The following ITGB6 variants were observed in gnomAD, a reference collection of about 807,000 sequenced individuals.
The protein encoded by ITGB6 is integrin subunit beta 6, also known as integrin beta-6.
Under a neutral mutation model 84.5 loss-of-function variants are expected in ITGB6, and 80 were observed. That is an observed-to-expected ratio of 0.95 (90% CI 0.79 to 1.14). The LOEUF (loss-of-function observed/expected upper bound fraction) is 1.14. Ranked by LOEUF, ITGB6 falls within the 50% of genes most tolerant of loss-of-function variation. The pLI, the probability that ITGB6 is intolerant of heterozygous loss-of-function variation, is 0.00. For missense variants in ITGB6, 1,006 were observed against 968.0 expected (o/e 1.04, Z -0.52); for synonymous variants, 383 against 354.9 (o/e 1.08, Z -0.89).
At chr2:160,120,313 T>C (rs1256660314) in intron 12 of ITGB6, among the ~76,000 whole-genome samples, 1 of 119,768 alleles carries the variant, frequency 8.3e-6, no homozygotes, top group Non-Finnish European at 1.7e-5. Context: ...GTGGCACATA[T>C]ACACCATGGA....
chr2:160,164,628 G>A lies in ITGB6; in HGVS notation c.1017+4584C>T, dbSNP rs1180519080. ...CAAGAATCACTTGAACCTGGGAGGC[G>A]GAGGGTGCAGTGAGCTGAGATCATG... On this transcript the variant is annotated intron_variant, in intron 7 of 14. Transcript: ENST00000283249. Among the ~76,000 whole-genome samples, 4 of 152,034 alleles carry A rather than the reference G, an allele frequency of 2.6e-5. No homozygotes were observed. The East Asian group carries it at 5.8e-4, about 22-fold the overall frequency.
At chr2:160,117,361 C>T (rs1682828549) in intron 12 of ITGB6, among the ~76,000 whole-genome samples, 1 of 151,472 alleles carries the variant, frequency 6.6e-6, no homozygotes, top group Non-Finnish European at 1.5e-5. Context: ...TTAAGAAACT[C>T]ACTCAAAACT....
Position 160,107,817 on chromosome 2 carries a change from C to A in ITGB6, c.2130G>T (p.Met710Ile). The A allele has an allele frequency of 1.2e-6, 2 of 1,612,298 alleles. No homozygotes were observed. The highest frequency in any genetic ancestry group is 1.3e-5 in the African/African-American group (1 of 75,002). The stretch of plus-strand genomic sequence containing the variant: ...TAGCCAGGGAAACCCCTAACATGAT[C>A]ATGGGAATGTTTGGAGGCTTCGGAC... ...KDCPKPPNIP[M>I]IMLGVSLAIL... is the part of the protein sequence containing the mutation. The change falls in exon 14 of 15, where the codon ATG (methionine) becomes ATT (isoleucine). Residue 710 changes from methionine (M) to isoleucine (I), a missense_variant. By Grantham distance (10) the Met-to-Ile change is conservative. Coordinates refer to ENST00000283249, the MANE Select transcript of ITGB6 (RefSeq NM_000888.5).
chr2:160,163,244 C>T (rs1684884929), intron 7 of ITGB6, among the ~76,000 whole-genome samples: 1 of 152,170 alleles, frequency 6.6e-6, no homozygotes. Context: ...GAAGTATTTC[C>T]TGATCTTAAA....
intron 8 of ITGB6, among the ~76,000 whole-genome samples, chr2:160,140,555 G>T (rs945022482): frequency 3.9e-5 from 6 of 152,182 alleles, no homozygotes; most frequent in Non-Finnish European, 8.8e-5. Flanking sequence ...CTGATACAGT[G>T]AAGGATTGCT....
chr2:160,155,909 G>A (rs1204050789), intron 7 of ITGB6, among the ~76,000 whole-genome samples: 1 of 152,146 alleles, frequency 6.6e-6, no homozygotes, highest in Non-Finnish European at 1.5e-5. Flanking sequence ...CACTAGAATG[G>A]CTAAAATTAC....
At chr2:160,120,020 G>T (rs999108380) in intron 12 of ITGB6, among the ~76,000 whole-genome samples, 6 of 151,528 alleles carry the variant, frequency 4.0e-5, no homozygotes, top group Non-Finnish European at 7.4e-5. Context: ...GGAAACAACA[G>T]GTGCTAGAGA....
intron 4 of ITGB6, among the ~76,000 whole-genome samples, chr2:160,180,517 G>C (rs1014010192): frequency 6.6e-6 from 1 of 152,178 alleles, no homozygotes; most frequent in African/African-American, 2.4e-5. Flanking sequence ...GGTAAATTGT[G>C]TGTGATGGGG....
At chr2:160,164,627 C>T (rs1361592536) in intron 7 of ITGB6, among the ~76,000 whole-genome samples, 4 of 151,870 alleles carry the variant, frequency 2.6e-5, no homozygotes, top group Non-Finnish European at 4.4e-5. Context: ...ACCTGGGAGG[C>T]GGAGGGTGCA....
At chr2:160,142,209 C>T in intron 7 of ITGB6, 138 bp from the exon 8 acceptor site, 1 of 584,192 alleles carries the variant, frequency 1.7e-6, no homozygotes, top group South Asian at 2.2e-5. Flanking sequence ...ACCTGCTTTT[C>T]TCCTGAAACT....
chr2:160,147,838 C>A (rs1187020434), intron 7 of ITGB6, among the ~76,000 whole-genome samples: 1 of 152,012 alleles, frequency 6.6e-6, no homozygotes, highest in Non-Finnish European at 1.5e-5. Context: ...GATCACAGAC[C>A]TAAATGTAAA....
At chr2:160,168,427 C>A (rs947503631) in intron 7 of ITGB6, among the ~76,000 whole-genome samples, 1 of 152,172 alleles carries the variant, frequency 6.6e-6, no homozygotes, top group Admixed American at 6.5e-5. Context: ...ATAGAAGGCA[C>A]AGACTATTTA....
chr2:160,175,153 G>T (rs541539177), intron 4 of ITGB6, among the ~76,000 whole-genome samples: 82 of 152,326 alleles, frequency 5.4e-4, no homozygotes, highest in Admixed American at 2.3e-3. Context: ...GCACATGTGG[G>T]GCCTGGGCCT....
Position 160,137,847 on chromosome 2 carries a change from G to T in ITGB6, c.1247C>A (p.Ser416Tyr). The change falls in exon 10 of 15, where the codon TCC (serine) becomes TAC (tyrosine). Residue 416 changes from serine (S) to tyrosine (Y), a missense_variant. Coordinates refer to ENST00000283249, the MANE Select transcript of ITGB6 (RefSeq NM_000888.5). ...TGGGATATTCACAGTCACGCTGAAG[G>T]AAGCCTGGAAAAGAAAATACTAATT... Reference protein sequence around the residue: ...CSHMKVGDTASFSVTVNIPHC... With the variant: ...CSHMKVGDTAYFSVTVNIPHC... 1.9e-6 allele frequency: 3 copies of T among 1,612,556 alleles called. No individual in the cohort carries two copies. Among genetic ancestry groups the T allele is most frequent in the Non-Finnish European group, 2.5e-6 (3 of 1,178,796 alleles).
chr2:160,126,682 T>C, intron 10 of ITGB6, 81 bp from the exon 11 acceptor site: 1 of 1,330,928 alleles, frequency 7.5e-7, no homozygotes, highest in Non-Finnish European at 1.1e-6. Context: ...CTTTTCTCTT[T>C]GTCTTTAAGC....
intron 12 of ITGB6, among the ~76,000 whole-genome samples, chr2:160,117,946 C>T (rs1381731489): frequency 6.6e-6 from 1 of 152,152 alleles, no homozygotes; most frequent in Non-Finnish European, 1.5e-5. Flanking sequence ...ACACATACAT[C>T]CTCCCAAGAC....
At chr2:160,145,599 C>T (rs1684155560) in intron 7 of ITGB6, among the ~76,000 whole-genome samples, 2 of 152,202 alleles carry the variant, frequency 1.3e-5, no homozygotes, top group African/African-American at 4.8e-5. Context: ...GCATTCCCAC[C>T]TGCACATCCT....
intron 7 of ITGB6, among the ~76,000 whole-genome samples, chr2:160,160,033 C>T (rs1202866274): frequency 4.6e-5 from 7 of 152,068 alleles, no homozygotes; most frequent in South Asian, 2.1e-4. Context: ...AATGAATGAA[C>T]GAAGGCAGGG....
intron 8 of ITGB6, 127 bp downstream of exon 8, chr2:160,141,855 G>A: frequency 1.7e-6 from 1 of 605,644 alleles, no homozygotes; most frequent in Non-Finnish European, 2.9e-6. Flanking sequence ...CTGCATTCAT[G>A]CAGAGACTTT....
Sources: allele counts gnomAD v4.1 joint callset (sites outside exome capture counted in the v4.1 genomes callset), GRCh38; gene constraint gnomAD v4.1.1; transcripts MANE v1.5; gene names NCBI Gene and HGNC (gene_info 2026-07-23, HGNC 2026-07-21).